Variants in KIF1B observed in about 807,000 individuals in gnomAD.
The protein encoded by KIF1B is kinesin-like protein KIF1B.
Under a neutral mutation model 241.9 loss-of-function variants are expected in KIF1B, and 76 were observed. The ratio of observed to expected loss-of-function variants is 0.31; its 90% CI spans 0.26 to 0.38. The LOEUF (loss-of-function observed/expected upper bound fraction) is 0.38, where lower values mean the gene tolerates loss of function less well. KIF1B is among the 10% of genes least tolerant of loss of function. The pLI is 1.00. For synonymous variants in KIF1B, 750 were observed against 796.7 expected, an observed-to-expected ratio of 0.94 and a Z score of 0.99; for missense variants, 1,622 against 2,271.4, an observed-to-expected ratio of 0.71 and a Z score of 5.81.
At chr1:10,285,308 G>A (rs1279108808) in intron 15 of KIF1B, among the ~76,000 whole-genome samples, 1 of 152,166 alleles carries the variant, frequency 6.6e-6, no homozygotes, top group African/African-American at 2.4e-5. Flanking sequence ...TCCTCTTGAT[G>A]TAAAGGAGAA....
At chr1:10,266,221 G>A (rs1648455141) in intron 5 of KIF1B, among the ~76,000 whole-genome samples, 1 of 152,188 alleles carries the variant, frequency 6.6e-6, no homozygotes, top group Non-Finnish European at 1.5e-5. Context: ...ACTTTACCAT[G>A]AGAAATAACT....
At chr1:10,332,285 C>T (rs1028335370) in intron 27 of KIF1B, among the ~76,000 whole-genome samples, 1 of 151,450 alleles carries the variant, frequency 6.6e-6, no homozygotes, top group South Asian at 2.1e-4. Context: ...AGGCTGGTCT[C>T]GAACTCCTGA....
At chr1:10,255,868 C>T (rs1488133416) in intron 2 of KIF1B, among the ~76,000 whole-genome samples, 2 of 152,080 alleles carry the variant, frequency 1.3e-5, no homozygotes, top group Admixed American at 6.5e-5. Flanking sequence ...CAGCTAACTA[C>T]ATCCTCAAAC....
chr1:10,246,963 C>G (rs1334605495), intron 2 of KIF1B, among the ~76,000 whole-genome samples: 1 of 152,160 alleles, frequency 6.6e-6, no homozygotes, highest in African/African-American at 2.4e-5. Context: ...CTCCCAGGTT[C>G]AAGCTGTTCT....
At chr1:10,348,957 C>T (rs1161666505) in intron 37 of KIF1B, among the ~76,000 whole-genome samples, 1 of 152,046 alleles carries the variant, frequency 6.6e-6, no homozygotes, top group Non-Finnish European at 1.5e-5. Flanking sequence ...GTTATTCTTC[C>T]CTGTTTGCGG....
intron 3 of KIF1B, among the ~76,000 whole-genome samples, chr1:10,258,074 A>G (rs1435930805): frequency 1.3e-5 from 2 of 152,204 alleles, no homozygotes; most frequent in African/African-American, 2.4e-5. Flanking sequence ...AGCTGTGTTT[A>G]TTGAGAAATA....
intron 22 of KIF1B, among the ~76,000 whole-genome samples, chr1:10,299,946 T>A (rs1650455074): frequency 1.3e-5 from 2 of 151,974 alleles, no homozygotes; most frequent in African/African-American, 4.8e-5. Flanking sequence ...CTAAATATTT[T>A]AAAAATCTGG....
intron 26 of KIF1B, among the ~76,000 whole-genome samples, chr1:10,325,606 G>A (rs2182326): frequency 0.35 from 52,811 of 151,986 alleles, 9,340 homozygotes; most frequent in Middle Eastern, 0.38. Context: ...TTTCCACTCT[G>A]CTCTGATAGC....
At chr1:10,342,465 G>T (rs558310981) in intron 33 of KIF1B, among the ~76,000 whole-genome samples, 2,900 of 152,276 alleles carry the variant, frequency 0.019, 41 homozygotes, top group Non-Finnish European at 0.028. Flanking sequence ...GTTAAAAATT[G>T]TTCCTAATGC....
At chr1:10,242,821 TATA>T (rs1392746320) in intron 2 of KIF1B, among the ~76,000 whole-genome samples, 1 of 152,102 alleles carries the variant, frequency 6.6e-6, no homozygotes, top group African/African-American at 2.4e-5. Flanking sequence ...GGCCTATTAA[TATA>T]ATCTTATGGG....
intron 45 of KIF1B, among the ~76,000 whole-genome samples, chr1:10,372,322 C>G (rs916306237): frequency 1.3e-5 from 2 of 151,912 alleles, no homozygotes; most frequent in African/African-American, 4.8e-5. Context: ...ATTGCTTCAG[C>G]CCACAAGTTT....
intron 22 of KIF1B, chr1:10,304,857 A>G: frequency 7.1e-7 from 1 of 1,412,188 alleles, no homozygotes; most frequent in Non-Finnish European, 9.2e-7. Flanking sequence ...GAAATTTTGG[A>G]TAAAGCATCA....
chr1:10,215,336 C>T (rs997140256), intron 1 of KIF1B, among the ~76,000 whole-genome samples: 1 of 150,752 alleles, frequency 6.6e-6, no homozygotes, highest in Non-Finnish European at 1.5e-5. Flanking sequence ...GCCACCACGC[C>T]CAGCTAATTT....
chr1:10,362,626 T>C (rs187749357), intron 40 of KIF1B, among the ~76,000 whole-genome samples: 4 of 152,160 alleles, frequency 2.6e-5, no homozygotes, highest in Admixed American at 2.0e-4. Flanking sequence ...TCCCCAGAAG[T>C]TGTTGATTAT....
intron 3 of KIF1B, among the ~76,000 whole-genome samples, chr1:10,256,984 T>G (rs1250553179): frequency 6.6e-6 from 1 of 152,164 alleles, no homozygotes; most frequent in African/African-American, 2.4e-5. Context: ...AGTGCTGGGA[T>G]TACAGGTGTG....
At position 10,267,514 on chromosome 1, in the gene KIF1B, C is replaced by T. The variant is rs774503326; in HGVS notation, c.564C>T (p.Ser188=). 6.2e-6 allele frequency: 10 copies of T among 1,614,030 alleles called. No homozygotes were observed. Among genetic ancestry groups the T allele is most frequent in the Middle Eastern group, 1.6e-4 (1 of 6,084 alleles). The part of the protein sequence containing the change: ...VEDLSKLAVT[S]YTDIADLMDA... ...ATCTGTCCAAGTTGGCAGTTACTTC[C>T]TACACAGACATTGCTGACCTCATGG... The change falls in exon 6 of 49, where the codon TCC becomes TCT. Residue 188 remains serine, a synonymous_variant. Coordinates refer to ENST00000676179, the MANE Select transcript of KIF1B (RefSeq NM_001365951.3).
intron 22 of KIF1B, among the ~76,000 whole-genome samples, chr1:10,299,977 C>CTG (rs1396293607): frequency 6.6e-6 from 1 of 152,128 alleles, no homozygotes; most frequent in Non-Finnish European, 1.5e-5. Context: ...TGGCTCACGC[C>CTG]TGTAATCCCA....
At chr1:10,295,217 A>G (rs1485955329) in intron 18 of KIF1B, 52 bp downstream of exon 18, 1 of 1,088,012 alleles carries the variant, frequency 9.2e-7, no homozygotes. Flanking sequence ...CCTCTTAGAT[A>G]ATTGAATAAC....
chr1:10,276,783 T>C lies in KIF1B; in HGVS notation c.1037+384T>C, dbSNP rs114195600. ...CCCCTTCTTGTAGTGTTTGTCGTTA[T>C]AGAAATGCTGAAGTCGGCCAGGCGC... is the stretch of plus-strand genomic sequence containing the variant. On this transcript the variant is annotated intron_variant, in intron 12 of 48. Transcript: ENST00000676179. 2.7e-3 allele frequency among the ~76,000 whole-genome samples: 409 copies of C among 152,322 alleles called. 4 individuals carry two copies. The highest frequency in any genetic ancestry group is 9.2e-3 in the African/African-American group (381 of 41,578).
Sources: allele counts gnomAD v4.1 joint callset (sites outside exome capture counted in the v4.1 genomes callset), GRCh38; gene constraint gnomAD v4.1.1; transcripts MANE v1.5; gene names NCBI Gene and HGNC (gene_info 2026-07-23, HGNC 2026-07-21).